The following KCNK2 variants were observed in gnomAD, a reference collection of about 807,000 sequenced individuals.
KCNK2 encodes potassium channel subfamily K member 2.
KCNK2 carries 21 observed loss-of-function variants against 40.5 expected under a neutral mutation model. The ratio of observed to expected loss-of-function variants is 0.52; its 90% CI spans 0.37 to 0.75. The LOEUF (loss-of-function observed/expected upper bound fraction) is 0.75, where lower values mean the gene tolerates loss of function less well. Ranked by LOEUF, KCNK2 falls within the 30% of genes least tolerant of loss-of-function variation. The pLI, the probability that KCNK2 is intolerant of heterozygous loss-of-function variation, is 0.00. For missense variants in KCNK2, 399 were observed against 531.6 expected (o/e 0.75, Z 2.45); for synonymous variants, 191 against 202.2 (o/e 0.94, Z 0.47).
rs373814704 is a variant in KCNK2 at position 215,095,099 on chromosome 1, G to A, written c.357+8421G>A. Among the ~76,000 whole-genome samples the A allele has an allele frequency of 7.0e-4, 107 of 152,000 alleles. 1 individual carries two copies. The South Asian group carries it at 0.019, about 27-fold the overall frequency. ...AAATTCTAAGAGTTGTATATTCCAC[G>A]TTTGTGTATTTTATCACATATTTGT... On this transcript the variant is annotated intron_variant, in intron 2 of 6. Coordinates refer to ENST00000444842, the MANE Select transcript of KCNK2 (RefSeq NM_001017425.3).
intron 3 of KCNK2, among the ~76,000 whole-genome samples, chr1:215,161,672 G>A (rs923277813): frequency 6.6e-6 from 1 of 151,594 alleles, no homozygotes; most frequent in Non-Finnish European, 1.5e-5. Context: ...GTGAGAACAT[G>A]TGGTGTTTGG....
At chr1:215,093,790 ATT>A in intron 2 of KCNK2, among the ~76,000 whole-genome samples, 1 of 17,482 alleles carries the variant, frequency 5.7e-5, no homozygotes, top group Admixed American at 1.1e-3. Context: ...TATATTATAT[ATT>A]ATATAATATA....
At chr1:215,097,112 T>G (rs2102545901) in intron 2 of KCNK2, among the ~76,000 whole-genome samples, 1 of 152,080 alleles carries the variant, frequency 6.6e-6, no homozygotes, top group Middle Eastern at 3.4e-3. Flanking sequence ...TGTAAAAATC[T>G]ATACCTGCAG....
intron 3 of KCNK2, among the ~76,000 whole-genome samples, chr1:215,155,089 G>T (rs981977394): frequency 2.6e-5 from 4 of 151,808 alleles, no homozygotes; most frequent in Non-Finnish European, 5.9e-5. Context: ...AATATTTGAT[G>T]ATTTAATCCA....
chr1:215,083,777 C>T, intron 1 of KCNK2: 1 of 381,908 alleles, frequency 2.6e-6, no homozygotes, highest in Non-Finnish European at 4.8e-6. Flanking sequence ...TTGCCCATTG[C>T]CTGGTGGGAC....
chr1:215,161,766 T>C (rs2102625235), intron 3 of KCNK2, among the ~76,000 whole-genome samples: 1 of 152,306 alleles, frequency 6.6e-6, no homozygotes, highest in East Asian at 1.9e-4. Flanking sequence ...TCATCCTTTT[T>C]TATGGCTGCA....
intron 1 of KCNK2, among the ~76,000 whole-genome samples, chr1:215,052,155 T>G (rs1406299850): frequency 1.3e-5 from 2 of 152,000 alleles, no homozygotes; most frequent in Non-Finnish European, 2.9e-5. Context: ...CAAATAGAGA[T>G]GATGAATGTA....
chr1:215,066,718 A>T (rs1268174402), intron 1 of KCNK2, among the ~76,000 whole-genome samples: 1 of 151,426 alleles, frequency 6.6e-6, no homozygotes, highest in Non-Finnish European at 1.5e-5. Context: ...TGTGAAAAGG[A>T]CTCTGCCCCT....
chr1:215,107,937 C>CT (rs1466132748), intron 2 of KCNK2, among the ~76,000 whole-genome samples: 1 of 152,126 alleles, frequency 6.6e-6, no homozygotes, highest in Non-Finnish European at 1.5e-5. Context: ...AGTTCTCAAC[C>CT]TTTTTGGCAT....
At chr1:215,177,740 A>ATTTATTTT (rs1664044797) in intron 5 of KCNK2, among the ~76,000 whole-genome samples, 2 of 101,600 alleles carry the variant, frequency 2.0e-5, no homozygotes, top group African/African-American at 3.5e-5. Context: ...ATATATATAT[A>ATTTATTTT]TTTTTTTTTT....
upstream of KCNK2, among the ~76,000 whole-genome samples, chr1:215,081,481 AT>A (rs34777165): frequency 1.3e-5 from 2 of 151,382 alleles, no homozygotes; most frequent in South Asian, 2.1e-4. Flanking sequence ...TATTAGGAAG[AT>A]TTTTTTTTAA....
At chr1:215,013,400 TA>T (rs765976434) in intron 1 of KCNK2, among the ~76,000 whole-genome samples, 101 of 152,270 alleles carry the variant, frequency 6.6e-4, no homozygotes, top group South Asian at 1.0e-3. Flanking sequence ...GTTCTTCTTT[TA>T]AAAAAATGTT....
rs1480333133 is a variant in KCNK2, at chr1:215,169,297, G to A, written c.574G>A (p.Val192Ile). The A allele has an allele frequency of 6.2e-7, 1 of 1,613,392 alleles. No homozygotes were observed. ...CCTCTTTGGTTTTCTCTTGGCTGGA[G>A]TTGGAGATCAGCTAGGCACCATATT... Reference protein sequence around the residue: ...IPLFGFLLAGVGDQLGTIFGK... With the variant: ...IPLFGFLLAGIGDQLGTIFGK... Residue 192 changes from valine (V) to isoleucine (I), a missense_variant, in exon 4 of 7, where the codon GTT becomes ATT. Around this residue, in one of 3 missense-constraint regions of KCNK2, gnomAD observed 279 missense variants for 353.8 expected, o/e 0.79. Transcript: ENST00000444842.
upstream of KCNK2, among the ~76,000 whole-genome samples, chr1:215,077,892 T>C (rs1484023186): frequency 6.6e-6 from 1 of 152,198 alleles, no homozygotes. Context: ...TCGTGCCTTC[T>C]TCTTATGGCT....
intron 1 of KCNK2, among the ~76,000 whole-genome samples, chr1:215,062,117 A>G (rs1011501011): frequency 6.6e-6 from 1 of 152,148 alleles, no homozygotes; most frequent in African/African-American, 2.4e-5. Context: ...TCTAACCAAT[A>G]CATGGCTTTC....
At chr1:215,026,397 A>G (rs1051458252) in intron 1 of KCNK2, among the ~76,000 whole-genome samples, 1 of 152,044 alleles carries the variant, frequency 6.6e-6, no homozygotes, top group African/African-American at 2.4e-5. Flanking sequence ...CAGTAATATC[A>G]TATTATTTTT....
At chr1:215,171,948 A>G in intron 4 of KCNK2, 49 bp from the exon 5 acceptor site, 14 of 1,250,640 alleles carry the variant, frequency 1.1e-5, no homozygotes, top group East Asian at 2.4e-5. Flanking sequence ...CTCTCCCCCC[A>G]TTTATATACA....
At chr1:215,012,087 A>G (rs1470346151) in intron 1 of KCNK2, among the ~76,000 whole-genome samples, 1 of 152,142 alleles carries the variant, frequency 6.6e-6, no homozygotes, top group Non-Finnish European at 1.5e-5. Flanking sequence ...GTTTTTGATG[A>G]TTAGGAACAA....
chr1:215,134,206 C>T (rs924583795), intron 3 of KCNK2, among the ~76,000 whole-genome samples: 1 of 152,100 alleles, frequency 6.6e-6, no homozygotes, highest in Non-Finnish European at 1.5e-5. Context: ...CACTGGACAC[C>T]AGCTGGGTTT....
Sources: allele counts gnomAD v4.1 joint callset (sites outside exome capture counted in the v4.1 genomes callset), GRCh38; gene constraint gnomAD v4.1.1; regional missense constraint gnomAD v4.1.1; transcripts MANE v1.5; gene names NCBI Gene and HGNC (gene_info 2026-07-23, HGNC 2026-07-21).